Variants in ZFYVE9 observed in about 807,000 individuals in gnomAD.
ZFYVE9 encodes zinc finger FYVE domain-containing protein 9.
Under a neutral mutation model 126.7 loss-of-function variants are expected in ZFYVE9, and 43 were observed. The observed-to-expected ratio is 0.34, with a 90% CI of 0.27 to 0.44. The LOEUF (loss-of-function observed/expected upper bound fraction) is 0.44, where lower values mean the gene tolerates loss of function less well. Among genes scored for constraint, ZFYVE9 ranks in the 20% least tolerant of loss-of-function variants. The pLI is 1.00. For synonymous variants in ZFYVE9, 521 were observed against 597.4 expected (o/e 0.87, Z 1.87); for missense variants, 1,476 against 1,697.0 (o/e 0.87, Z 2.29).
chr1:52,165,553 AC>A (rs1644505829), intron 1 of ZFYVE9, among the ~76,000 whole-genome samples: 1 of 152,326 alleles, frequency 6.6e-6, no homozygotes, highest in East Asian at 1.9e-4. Flanking sequence ...CCGCAGAATC[AC>A]CACTGAGAAT....
intron 4 of ZFYVE9, among the ~76,000 whole-genome samples, chr1:52,257,075 AAG>A (rs1426937734): frequency 1.3e-5 from 2 of 152,218 alleles, no homozygotes; most frequent in Non-Finnish European, 2.9e-5. Context: ...TTCACACTGT[AAG>A]AGGGTATAAA....
chr1:52,162,812 G>T (rs927146606), intron 1 of ZFYVE9: 56 of 343,942 alleles, frequency 1.6e-4, no homozygotes, highest in African/African-American at 1.1e-3. Context: ...ATCAAGAGTG[G>T]GATCTGGATC....
chr1:52,318,390 G>C (rs1268690058), intron 13 of ZFYVE9, among the ~76,000 whole-genome samples: 1 of 150,942 alleles, frequency 6.6e-6, no homozygotes, highest in Non-Finnish European at 1.5e-5. Context: ...GTGTGTGTGT[G>C]TGTGTGTGTG....
intron 2 of ZFYVE9, among the ~76,000 whole-genome samples, chr1:52,220,831 G>T (rs1645117806): frequency 6.6e-6 from 1 of 152,142 alleles, no homozygotes; most frequent in South Asian, 2.1e-4. Flanking sequence ...GGAAACAAAG[G>T]GATAGATGGA....
At chr1:52,274,628 A>G (rs759731289) in intron 8 of ZFYVE9, 44 bp downstream of exon 8, 6 of 1,525,302 alleles carry the variant, frequency 3.9e-6, no homozygotes, top group Non-Finnish European at 5.3e-6. Context: ...CTATCTGCCA[A>G]ATGTTACCTT....
chr1:52,226,235 C>G (rs937768236), intron 2 of ZFYVE9, among the ~76,000 whole-genome samples: 3 of 152,222 alleles, frequency 2.0e-5, no homozygotes, highest in Non-Finnish European at 2.9e-5. Context: ...TTGAGCATGT[C>G]TAGTCCCTAG....
chr1:52,238,092 T>C lies in ZFYVE9; in HGVS notation c.675T>C (p.Ser225=). ...ATAGACCGAAAACAGAGGGGAGATCTGTTAACCATCTGTGTCCTACTTCAT... is the reference window on the plus strand; with the variant it reads ...ATAGACCGAAAACAGAGGGGAGATCCGTTAACCATCTGTGTCCTACTTCAT... The part of the protein sequence containing the change: ...PLNRPKTEGR[S]VNHLCPTSSD... Residue 225 remains serine, a synonymous_variant, in exon 4 of 19, where the codon TCT becomes TCC. Transcript: ENST00000287727. The C allele has an allele frequency of 6.2e-7, 1 of 1,614,070 alleles. No individual in the cohort carries two copies.
chr1:52,174,020 T>C (rs1051303428), intron 1 of ZFYVE9, among the ~76,000 whole-genome samples: 8 of 151,790 alleles, frequency 5.3e-5, no homozygotes, highest in African/African-American at 7.2e-5. Flanking sequence ...CTGCTCTGAT[T>C]TTAGTTATTT....
intron 4 of ZFYVE9, among the ~76,000 whole-genome samples, chr1:52,247,709 C>T (rs565533754): frequency 5.3e-4 from 80 of 152,164 alleles, no homozygotes; most frequent in African/African-American, 1.7e-3. Flanking sequence ...GTTAGTCAGG[C>T]TGGTCTCAAA....
intron 13 of ZFYVE9, among the ~76,000 whole-genome samples, chr1:52,311,099 C>G (rs1414200354): frequency 6.6e-6 from 1 of 152,074 alleles, no homozygotes; most frequent in Non-Finnish European, 1.5e-5. Flanking sequence ...CTCTTGAGCT[C>G]AAGCAGTTCT....
In ZFYVE9 at chr1:52,142,432, T is replaced by A. The variant is rs1182099186; in HGVS notation, c.-143+29T>A. The stretch of plus-strand genomic sequence containing the variant: ...AGTGTGGCGCGGCGTGGTCCGGGGC[T>A]CGCCGGCCTCCCGCCGCCTGTGGGG... On this transcript the variant is annotated intron_variant, in intron 1 of 18. Transcript: ENST00000287727. This position sits in a 1 kb window ranked among gnomAD's most constrained non-coding sequence, Gnocchi z 4.5. The A allele has an allele frequency of 6.6e-6, 1 of 151,794 alleles. No individual in the cohort carries two copies. The highest frequency in any genetic ancestry group is 1.5e-5 in the Non-Finnish European group (1 of 67,938). The allele number at this position is 151,794 out of a possible 1,614,324, so 9.4% of individuals were successfully genotyped here.
In ZFYVE9 at chr1:52,237,797, G is replaced by A; in HGVS notation, c.380G>A (p.Ser127Asn). ...KRNYSWDDQC[S>N]AVEVGEKKCG... Reference sequence around the variant, plus strand: ...AACTATAGTTGGGATGATCAATGCAGTGCTGTTGAAGTGGGAGAGAAGAAA... The same window carrying A: ...AACTATAGTTGGGATGATCAATGCAATGCTGTTGAAGTGGGAGAGAAGAAA... Residue 127 changes from serine to asparagine, a missense_variant, in exon 4 of 19, where the codon AGT (serine) becomes AAT (asparagine). Physicochemically the swap from Ser to Asn is conservative, Grantham distance 46. Coordinates refer to ENST00000287727, the MANE Select transcript of ZFYVE9 (RefSeq NM_004799.4). The A allele has an allele frequency of 6.2e-7, 1 of 1,614,128 alleles. No individual in the cohort carries two copies. Among genetic ancestry groups the A allele is most frequent in the Non-Finnish European group, 8.5e-7 (1 of 1,179,982 alleles).
intron 9 of ZFYVE9, among the ~76,000 whole-genome samples, chr1:52,279,199 ATCTG>A (rs1243436213): frequency 1.3e-4 from 20 of 152,184 alleles, no homozygotes; most frequent in African/African-American, 4.8e-4. Context: ...TCTTGAACTT[ATCTG>A]AGTTAAGTTC....
At chr1:52,329,673 A>G (rs971995503) in intron 13 of ZFYVE9, among the ~76,000 whole-genome samples, 20 of 151,472 alleles carry the variant, frequency 1.3e-4, no homozygotes, top group Admixed American at 1.3e-3. Flanking sequence ...TGGGAGGCCA[A>G]GGCTGGCGGA....
At chr1:52,279,315 C>T (rs1461748564) in intron 9 of ZFYVE9, among the ~76,000 whole-genome samples, 1 of 151,970 alleles carries the variant, frequency 6.6e-6, no homozygotes, top group African/African-American at 2.4e-5. Flanking sequence ...TGTTTTAATC[C>T]CAGAAACCTC....
At chr1:52,283,379 G>A (rs1645823777) in intron 10 of ZFYVE9, among the ~76,000 whole-genome samples, 1 of 152,178 alleles carries the variant, frequency 6.6e-6, no homozygotes, top group Non-Finnish European at 1.5e-5. Flanking sequence ...TTGAGATGAT[G>A]AGTGACATAA....
At chr1:52,169,883 A>C (rs1391994901) in intron 1 of ZFYVE9, among the ~76,000 whole-genome samples, 1 of 152,182 alleles carries the variant, frequency 6.6e-6, no homozygotes, top group African/African-American at 2.4e-5. Flanking sequence ...GGACTTTAGT[A>C]AGCTAATACA....
At chr1:52,161,591 A>G (rs1467931928) in intron 1 of ZFYVE9, among the ~76,000 whole-genome samples, 1 of 152,200 alleles carries the variant, frequency 6.6e-6, no homozygotes, top group Non-Finnish European at 1.5e-5. Context: ...GTGCCTAGCC[A>G]AAGTTTTAAG....
At chr1:52,316,276 A>G (rs1376368784) in intron 13 of ZFYVE9, among the ~76,000 whole-genome samples, 3 of 151,498 alleles carry the variant, frequency 2.0e-5, no homozygotes, top group Admixed American at 6.6e-5. Flanking sequence ...ACCTGAGGTC[A>G]GGCGTGTGAG....
Sources: allele counts gnomAD v4.1 joint callset (sites outside exome capture counted in the v4.1 genomes callset), GRCh38; gene constraint gnomAD v4.1.1; non-coding constraint Gnocchi (gnomAD v3.1); transcripts MANE v1.5; gene names NCBI Gene and HGNC (gene_info 2026-07-23, HGNC 2026-07-21).